Variants in TTC29 observed in about 807,000 individuals in gnomAD.
The protein encoded by TTC29 is tetratricopeptide repeat protein 29.
Under a neutral mutation model 58.1 loss-of-function variants are expected in TTC29, and 49 were observed. The ratio of observed to expected loss-of-function variants is 0.84; its 90% CI spans 0.67 to 1.07. The LOEUF (loss-of-function observed/expected upper bound fraction) is 1.07, where lower values mean the gene tolerates loss of function less well. Among genes scored for constraint, TTC29 ranks in the 50% least tolerant of loss-of-function variants. TTC29 has a pLI of 0.00. For missense variants in TTC29, 582 were observed against 555.6 expected, an observed-to-expected ratio of 1.05 and a Z score of -0.48; for synonymous variants, 209 against 196.8, an observed-to-expected ratio of 1.06 and a Z score of -0.52.
At chr4:146,810,936 T>C (rs540195195) in intron 10 of TTC29, among the ~76,000 whole-genome samples, 16 of 152,284 alleles carry the variant, frequency 1.1e-4, no homozygotes, top group African/African-American at 1.7e-4. Flanking sequence ...ATGGTGAAAA[T>C]AAATGTATCT....
chr4:146,770,739 T>G (rs1263131131), intron 11 of TTC29, among the ~76,000 whole-genome samples: 1 of 151,960 alleles, frequency 6.6e-6, no homozygotes, highest in Non-Finnish European at 1.5e-5. Flanking sequence ...CCCTAATATC[T>G]CTAAGCTTCA....
chr4:146,707,751 C>T (rs905712), intron 11 of TTC29, among the ~76,000 whole-genome samples, 200 bp from the exon 12 acceptor site: 152,235 of 152,238 alleles, frequency 1, 76,116 homozygotes, highest in Non-Finnish European at 1. Flanking sequence ...CTGTACAGCA[C>T]GATCTTGTCA....
In TTC29 at chr4:146,767,603, T is replaced by G. The variant is rs1053896644; in HGVS notation, c.1330+35854A>C. Among the ~76,000 whole-genome samples the G allele has an allele frequency of 3.3e-5, 5 of 152,194 alleles. 1 individual carries two copies. In the East Asian group the frequency reaches 9.7e-4, roughly 29 times the overall value. ...CATATATGTACTCTGTTAATTCACA[T>G]AACATACCTGAAGTAGGATATTATT... On this transcript the variant is annotated intron_variant, in intron 11 of 12. Transcript: ENST00000325106.
chr4:146,919,840 G>A (rs1285278285), intron 4 of TTC29, among the ~76,000 whole-genome samples: 1 of 151,046 alleles, frequency 6.6e-6, no homozygotes, highest in Non-Finnish European at 1.5e-5. Flanking sequence ...AAAATGAAAA[G>A]CTGGAGAATA....
chr4:146,710,091 G>GTA (rs1466349928), intron 11 of TTC29, among the ~76,000 whole-genome samples: 4 of 152,114 alleles, frequency 2.6e-5, no homozygotes, highest in Admixed American at 1.3e-4. Flanking sequence ...AATGAGCAAA[G>GTA]TAATATACAG....
chr4:146,780,892 T>C lies in TTC29; in HGVS notation c.1330+22565A>G, dbSNP rs1579657079. On this transcript the variant is annotated intron_variant, in intron 11 of 12. Coordinates refer to ENST00000325106, the MANE Select transcript of TTC29 (RefSeq NM_031956.4). ...CTTCTCTTGTTTCCTTCCCAGGGAA[T>C]TGGAACTTGTGGACCTGCATGAGTC... Among the ~76,000 whole-genome samples, 4 of 152,166 alleles carry C rather than the reference T, an allele frequency of 2.6e-5. No homozygotes were observed. In the East Asian group the frequency reaches 7.7e-4, roughly 29 times the overall value.
chr4:146,710,910 G>A (rs189720597), intron 11 of TTC29, among the ~76,000 whole-genome samples: 2 of 151,978 alleles, frequency 1.3e-5, no homozygotes, highest in Admixed American at 1.3e-4. Context: ...ATCCACCATC[G>A]CATCCCTTTT....
intron 11 of TTC29, among the ~76,000 whole-genome samples, chr4:146,732,306 TG>T (rs1404081695): frequency 3.9e-5 from 6 of 152,294 alleles, no homozygotes; most frequent in African/African-American, 1.4e-4. Flanking sequence ...TGAAGACTAT[TG>T]GAAGTATTTT....
intron 11 of TTC29, among the ~76,000 whole-genome samples, chr4:146,797,918 C>T (rs1397615990): frequency 6.7e-6 from 1 of 148,384 alleles, no homozygotes; most frequent in African/African-American, 2.5e-5. Flanking sequence ...ATATATTAGG[C>T]TTCTTGAAGT....
At chr4:146,895,177 A>G (rs1318505962) in intron 6 of TTC29, among the ~76,000 whole-genome samples, 2 of 152,190 alleles carry the variant, frequency 1.3e-5, no homozygotes, top group South Asian at 2.1e-4. Flanking sequence ...ATGGCTTCAT[A>G]GTATTCCATG....
At chr4:146,749,606 GAA>G (rs1301947383) in intron 11 of TTC29, among the ~76,000 whole-genome samples, 2 of 152,010 alleles carry the variant, frequency 1.3e-5, no homozygotes, top group East Asian at 3.9e-4. Flanking sequence ...CAGAGAAAGG[GAA>G]AACAAGCATA....
chr4:146,762,322 A>G (rs1266946026), intron 11 of TTC29, among the ~76,000 whole-genome samples: 2 of 150,602 alleles, frequency 1.3e-5, no homozygotes, highest in Admixed American at 6.7e-5. Flanking sequence ...TCTCAGCAGT[A>G]TATCTATTGG....
intron 11 of TTC29, among the ~76,000 whole-genome samples, chr4:146,766,120 C>T (rs1579625470): frequency 1.3e-5 from 2 of 152,130 alleles, no homozygotes; most frequent in African/African-American, 4.8e-5. Context: ...AACAATCAGA[C>T]TAAGCCAATA....
chr4:146,892,342 T>C (rs1015101073), intron 6 of TTC29, among the ~76,000 whole-genome samples: 4 of 152,084 alleles, frequency 2.6e-5, no homozygotes, highest in Non-Finnish European at 2.9e-5. Flanking sequence ...CTCTTTTCTT[T>C]ATAAATTACC....
intron 4 of TTC29, among the ~76,000 whole-genome samples, chr4:146,923,831 T>A (rs1734754827): frequency 6.6e-6 from 1 of 151,838 alleles, no homozygotes; most frequent in South Asian, 2.1e-4. Flanking sequence ...ACTTTCTCAT[T>A]TGGAACAAAA....
intron 7 of TTC29, among the ~76,000 whole-genome samples, chr4:146,873,819 T>C (rs1731085464): frequency 6.6e-6 from 1 of 152,168 alleles, no homozygotes; most frequent in South Asian, 2.1e-4. Flanking sequence ...AAATTAAAAT[T>C]ACACCCAGAA....
Position 146,738,166 on chromosome 4 carries a change from C to A in TTC29, c.1331-30615G>T, listed in dbSNP as rs560543187. Among the ~76,000 whole-genome samples the A allele has an allele frequency of 2.0e-5, 3 of 152,124 alleles. No individual in the cohort carries two copies. In the South Asian group the frequency reaches 6.3e-4, roughly 32 times the overall value. ...ATCTGGACCAGCATGGCGGCAGAAT[C>A]TAATGTTCCTTTTAAAAATGAAAAA... On this transcript the variant is annotated intron_variant, in intron 11 of 12. Coordinates refer to ENST00000325106, the MANE Select transcript of TTC29 (RefSeq NM_031956.4).
intron 11 of TTC29, among the ~76,000 whole-genome samples, chr4:146,791,894 C>T (rs1254273160): frequency 6.6e-6 from 1 of 152,222 alleles, no homozygotes; most frequent in Non-Finnish European, 1.5e-5. Context: ...CCACAACATT[C>T]TCTTAAGCCA....
intron 11 of TTC29, among the ~76,000 whole-genome samples, chr4:146,751,794 A>G (rs1298174123): frequency 6.6e-6 from 1 of 152,208 alleles, no homozygotes; most frequent in Non-Finnish European, 1.5e-5. Flanking sequence ...TCCAGGAACT[A>G]GAAAAAGAAG....
Sources: gnomAD v4.1 joint callset for allele counts (sites outside exome capture counted in the v4.1 genomes callset) on GRCh38, gnomAD v4.1.1 for gene constraint, MANE v1.5 for transcripts, NCBI Gene and HGNC (gene_info 2026-07-23, HGNC 2026-07-21) for gene names.